The following PDE10A variants were observed in gnomAD, a reference collection of about 807,000 sequenced individuals.
PDE10A encodes phosphodiesterase 10A.
Under a neutral mutation model 97.7 loss-of-function variants are expected in PDE10A, and 39 were observed. That is an observed-to-expected ratio of 0.40 (90% CI 0.31 to 0.52). PDE10A has a LOEUF of 0.52. Among genes scored for constraint, PDE10A ranks in the 20% least tolerant of loss-of-function variants. PDE10A has a pLI of 0.56. For missense variants in PDE10A, 731 were observed against 1,047.8 expected, an observed-to-expected ratio of 0.70 and a Z score of 4.17; for synonymous variants, 371 against 376.8, an observed-to-expected ratio of 0.98 and a Z score of 0.18.
intron 13 of PDE10A, among the ~76,000 whole-genome samples, chr6:165,408,359 T>C (rs561068360): frequency 9.2e-5 from 14 of 152,174 alleles, no homozygotes; most frequent in Non-Finnish European, 2.1e-4. Flanking sequence ...CAACGCATAA[T>C]ACAAGGTGTT....
intron 1 of PDE10A, among the ~76,000 whole-genome samples, chr6:165,705,990 G>A (rs1016505647): frequency 6.6e-6 from 1 of 152,166 alleles, no homozygotes; most frequent in African/African-American, 2.4e-5. Flanking sequence ...CAACAACTTG[G>A]GGGAAAAGAA....
intron 1 of PDE10A, among the ~76,000 whole-genome samples, chr6:165,767,663 T>C (rs1777894565): frequency 6.6e-6 from 1 of 152,252 alleles, no homozygotes; most frequent in Admixed American, 6.5e-5. Context: ...TCTATGGATA[T>C]ATTTTGTTTA....
intron 1 of PDE10A, among the ~76,000 whole-genome samples, chr6:165,698,393 C>G (rs935420765): frequency 1.3e-5 from 2 of 152,110 alleles, no homozygotes; most frequent in Non-Finnish European, 1.5e-5. Flanking sequence ...AAGAAAAGAA[C>G]AGGCAACGCA....
At chr6:165,663,790 C>G (rs530927458), upstream of PDE10A, among the ~76,000 whole-genome samples, 3 of 152,344 alleles carry the variant, frequency 2.0e-5, no homozygotes, top group Admixed American at 2.0e-4. Flanking sequence ...ATGAGCAAGA[C>G]TGTGCGATCA....
rs1432350587 is a variant in PDE10A, at chr6:165,331,872, G to T, written c.*1153C>A. ...GAAGAGTAAAGAGAACAGAAAGAAGGTCCAACATGATTGTACTACTTTCTG... is the reference window on the plus strand; with the variant it reads ...GAAGAGTAAAGAGAACAGAAAGAAGTTCCAACATGATTGTACTACTTTCTG... On this transcript the variant is annotated 3_prime_UTR_variant, in exon 22 of 22. Transcript: ENST00000539869. The T allele has an allele frequency of 1.3e-5, 2 of 152,158 alleles. No homozygotes were observed. Among genetic ancestry groups the T allele is most frequent in the Non-Finnish European group, 2.9e-5 (2 of 68,024 alleles). The allele number at this position is 152,158 out of a possible 1,614,324, so 9.4% of individuals were successfully genotyped here.
intron 1 of PDE10A, among the ~76,000 whole-genome samples, chr6:165,694,067 G>A (rs1791380025): frequency 6.6e-6 from 1 of 152,118 alleles, no homozygotes; most frequent in African/African-American, 2.4e-5. Flanking sequence ...ACACTTATGT[G>A]CAAAAATGTT....
intron 1 of PDE10A, among the ~76,000 whole-genome samples, chr6:165,813,428 G>A (rs866377528): frequency 1.4e-5 from 2 of 146,062 alleles, no homozygotes; most frequent in Non-Finnish European, 3.0e-5. Flanking sequence ...TGCTACTGTC[G>A]TCTGGAGGTG....
At chr6:165,553,637 T>C (rs935264363) in intron 1 of PDE10A, among the ~76,000 whole-genome samples, 2 of 152,190 alleles carry the variant, frequency 1.3e-5, no homozygotes, top group Non-Finnish European at 2.9e-5. Context: ...ATTAACAGCC[T>C]AAGGGGTGCC....
At chr6:165,695,995 A>G (rs941065179) in intron 1 of PDE10A, among the ~76,000 whole-genome samples, 1 of 152,180 alleles carries the variant, frequency 6.6e-6, no homozygotes, top group Non-Finnish European at 1.5e-5. Flanking sequence ...TCAAGAAAAG[A>G]GAGGAAGAGA....
intron 1 of PDE10A, among the ~76,000 whole-genome samples, chr6:165,618,581 T>C (rs1361470886): frequency 1.3e-5 from 2 of 152,082 alleles, no homozygotes; most frequent in Non-Finnish European, 2.9e-5. Flanking sequence ...CCCTTTACCA[T>C]ATGCAGGGCC....
intron 3 of PDE10A, among the ~76,000 whole-genome samples, chr6:165,463,907 G>A (rs1291692810): frequency 6.6e-6 from 1 of 152,240 alleles, no homozygotes; most frequent in Non-Finnish European, 1.5e-5. Context: ...TGCTCCTGCT[G>A]CAGAAAATTA....
At chr6:165,984,927 T>A (rs76464449) in intron 1 of PDE10A, among the ~76,000 whole-genome samples, 8,306 of 152,258 alleles carry the variant, frequency 0.055, 367 homozygotes, top group South Asian at 0.13. Context: ...AGGTTCCCAG[T>A]GCACACAAAG....
At position 165,445,444 on chromosome 6, in the gene PDE10A, G is replaced by A. The variant is rs13340455; in HGVS notation, c.1194+3484C>T. On this transcript the variant is annotated intron_variant, in intron 5 of 21. Coordinates refer to ENST00000539869, the MANE Select transcript of PDE10A (RefSeq NM_001385079.1). ...GACTGAATAGACTGATCTTCTCCCA[G>A]GAAAGCCACACGGAGATTGAGAGAC... 4.6e-3 allele frequency among the ~76,000 whole-genome samples: 708 copies of A among 152,274 alleles called. 4 individuals are homozygous for A. Among genetic ancestry groups the A allele is most frequent in the African/African-American group, 0.016 (666 of 41,538 alleles).
intron 1 of PDE10A, among the ~76,000 whole-genome samples, chr6:165,869,845 A>G (rs1161485321): frequency 2.0e-5 from 3 of 152,172 alleles, no homozygotes; most frequent in Admixed American, 6.5e-5. Context: ...TACATCAGGG[A>G]AAGGACACAT....
chr6:165,369,818 C>A (rs1229146421), intron 18 of PDE10A, among the ~76,000 whole-genome samples: 3 of 150,508 alleles, frequency 2.0e-5, no homozygotes, highest in Non-Finnish European at 4.4e-5. Context: ...ATGTTAAGGG[C>A]AGCCAGAGAG....
At chr6:165,485,286 G>C (rs1010580070) in intron 2 of PDE10A, among the ~76,000 whole-genome samples, 2 of 152,076 alleles carry the variant, frequency 1.3e-5, no homozygotes, top group African/African-American at 4.8e-5. Flanking sequence ...GGCTAACACA[G>C]TGAAGCCCCG....
intron 1 of PDE10A, among the ~76,000 whole-genome samples, chr6:165,850,310 C>A (rs1327898793): frequency 6.6e-6 from 1 of 152,184 alleles, no homozygotes; most frequent in Non-Finnish European, 1.5e-5. Context: ...AACGTCTTGG[C>A]ATTTTTATGC....
intron 1 of PDE10A, among the ~76,000 whole-genome samples, chr6:165,911,259 C>T (rs1782445540): frequency 6.6e-6 from 1 of 152,116 alleles, no homozygotes; most frequent in Non-Finnish European, 1.5e-5. Flanking sequence ...TGTATTAATA[C>T]TAGTAATGGA....
At chr6:165,463,368 G>T (rs557486232) in intron 3 of PDE10A, among the ~76,000 whole-genome samples, 1 of 152,160 alleles carries the variant, frequency 6.6e-6, no homozygotes, top group Non-Finnish European at 1.5e-5. Flanking sequence ...TCTACAAACT[G>T]GTTTTTGGAT....
Sources: allele counts gnomAD v4.1 joint callset (sites outside exome capture counted in the v4.1 genomes callset), GRCh38; gene constraint gnomAD v4.1.1; transcripts MANE v1.5; gene names NCBI Gene and HGNC (gene_info 2026-07-23, HGNC 2026-07-21).